The following RPS6KA2 variants were observed in gnomAD, a reference collection of about 807,000 sequenced individuals.
The protein encoded by RPS6KA2 is ribosomal protein S6 kinase A2.
Under a neutral mutation model 91.8 loss-of-function variants are expected in RPS6KA2, and 42 were observed. The observed-to-expected ratio is 0.46, with a 90% CI of 0.36 to 0.59. The LOEUF is 0.59. Among genes scored for constraint, RPS6KA2 ranks in the 20% least tolerant of loss-of-function variants. The pLI is 0.00. For missense variants in RPS6KA2, 798 were observed against 978.5 expected, an observed-to-expected ratio of 0.82 and a Z score of 2.46; for synonymous variants, 414 against 393.6, an observed-to-expected ratio of 1.05 and a Z score of -0.61.
At position 166,538,787 on chromosome 6, in the gene RPS6KA2, G is replaced by C; in HGVS notation, c.100-3C>G. 6.6e-7 allele frequency: 1 copy of C among 1,508,546 alleles called. No homozygotes were observed. The highest frequency in any genetic ancestry group is 1.1e-5 in the South Asian group (1 of 88,580). The allele number at this position is 1,508,546 out of a possible 1,614,324, so 93.4% of individuals were successfully genotyped here. ...ATCTCCTTCACGACGCCTTCTTCCTGCAAGAGAGCGGCACGGGTGAGAAAC... is the reference window on the plus strand; with the variant it reads ...ATCTCCTTCACGACGCCTTCTTCCTCCAAGAGAGCGGCACGGGTGAGAAAC... On this transcript the variant is annotated splice_region_variant and splice_polypyrimidine_tract_variant and intron_variant, in intron 1 of 20. Coordinates refer to ENST00000265678, the MANE Select transcript of RPS6KA2 (RefSeq NM_021135.6).
chr6:166,694,079 G>GC (rs1789290776), intron 2 of RPS6KA2, among the ~76,000 whole-genome samples: 1 of 152,222 alleles, frequency 6.6e-6, no homozygotes, highest in African/African-American at 2.4e-5. Flanking sequence ...CAAGACGATG[G>GC]CGAACCTCTT....
chr6:166,482,726 G>C (rs1198539066), intron 10 of RPS6KA2, among the ~76,000 whole-genome samples: 3 of 152,156 alleles, frequency 2.0e-5, no homozygotes, highest in Admixed American at 6.5e-5. Flanking sequence ...GAAGTGGAAA[G>C]GTTTCATGAA....
At chr6:166,723,919 C>A (rs1790263246) in intron 2 of RPS6KA2, among the ~76,000 whole-genome samples, 1 of 152,064 alleles carries the variant, frequency 6.6e-6, no homozygotes, top group Non-Finnish European at 1.5e-5. Flanking sequence ...AGGCTGGCCT[C>A]GAACTCCTGA....
intron 2 of RPS6KA2, among the ~76,000 whole-genome samples, chr6:166,761,946 G>T (rs545680004): frequency 2.0e-5 from 3 of 152,296 alleles, no homozygotes; most frequent in East Asian, 3.9e-4. Flanking sequence ...GCTCCAGATG[G>T]GGCAGCCTCG....
At chr6:166,628,756 G>C (rs1027423822), upstream of RPS6KA2, among the ~76,000 whole-genome samples, 2 of 152,236 alleles carry the variant, frequency 1.3e-5, no homozygotes, top group Non-Finnish European at 2.9e-5. Context: ...AAATACGAGT[G>C]AAACCTGTCT....
chr6:166,706,042 C>T (rs1220106897), intron 2 of RPS6KA2, among the ~76,000 whole-genome samples: 2 of 152,188 alleles, frequency 1.3e-5, no homozygotes, highest in East Asian at 1.9e-4. Flanking sequence ...AGCAAGTGTC[C>T]ACCAGACACT....
chr6:166,430,071 C>T (rs1779067641), intron 16 of RPS6KA2, among the ~76,000 whole-genome samples: 1 of 151,890 alleles, frequency 6.6e-6, no homozygotes, highest in Non-Finnish European at 1.5e-5. Context: ...AATTCTCCTG[C>T]CTCAGCCTCC....
At chr6:166,659,615 A>G (rs1788101233) in intron 2 of RPS6KA2, among the ~76,000 whole-genome samples, 1 of 152,222 alleles carries the variant, frequency 6.6e-6, no homozygotes, top group Non-Finnish European at 1.5e-5. Flanking sequence ...CAGGGAGTGG[A>G]GCGTAAGGAG....
At chr6:166,644,104 A>G (rs1230171849) in intron 2 of RPS6KA2, among the ~76,000 whole-genome samples, 4 of 152,196 alleles carry the variant, frequency 2.6e-5, no homozygotes. Flanking sequence ...TTAACTTGTG[A>G]CAATTGGTTC....
chr6:166,565,441 C>G (rs1784471513), intron 1 of RPS6KA2, among the ~76,000 whole-genome samples: 1 of 152,268 alleles, frequency 6.6e-6, no homozygotes, highest in South Asian at 2.1e-4. Context: ...TCCGCCCTCC[C>G]TGGCACCTGG....
intron 20 of RPS6KA2, among the ~76,000 whole-genome samples, 187 bp from the exon 21 acceptor site, chr6:166,413,074 G>T (rs1778368641): frequency 6.6e-6 from 1 of 152,042 alleles, no homozygotes; most frequent in Non-Finnish European, 1.5e-5. Flanking sequence ...GGCCCCAGGA[G>T]ACAGGGGCCC....
rs572438456 is a variant in RPS6KA2 at position 166,600,234 on chromosome 6, A to G, written c.99+26687T>C. On this transcript the variant is annotated intron_variant, in intron 1 of 20. Transcript: ENST00000265678. ...CTATGTTTCCCAGACCAGTCTCAGG[A>G]GCTCACGTGATCTTCTGGCCTCAGC... is the stretch of plus-strand genomic sequence containing the variant. Among the ~76,000 whole-genome samples the G allele has an allele frequency of 2.6e-5, 4 of 152,242 alleles. No individual in the cohort carries two copies. The South Asian group carries it at 6.2e-4, about 24-fold the overall frequency.
At chr6:166,650,356 G>A (rs1787813069) in intron 2 of RPS6KA2, among the ~76,000 whole-genome samples, 2 of 151,864 alleles carry the variant, frequency 1.3e-5, no homozygotes, top group African/African-American at 2.4e-5. Flanking sequence ...GTAGCAAGAA[G>A]AGGGGGCATT....
At position 166,410,240 on chromosome 6, in the gene RPS6KA2, T is replaced by A. The variant is rs1218238306; in HGVS notation, c.*2522A>T. The A allele has an allele frequency of 6.6e-6, 1 of 152,214 alleles. No individual in the cohort carries two copies. The highest frequency in any genetic ancestry group is 1.5e-5 in the Non-Finnish European group (1 of 68,048). The allele number at this position is 152,214 out of a possible 1,614,324, so 9.4% of individuals were successfully genotyped here. A position where few individuals can be genotyped will look rare whatever the true frequency, so the allele number is the denominator to read the frequency against. On this transcript the variant is annotated 3_prime_UTR_variant, in exon 21 of 21. Coordinates refer to ENST00000265678, the MANE Select transcript of RPS6KA2 (RefSeq NM_021135.6). ...GAGCCAGTTAACTTTTGGGGAGGTC[T>A]ATGTCATTTGTGCAAATCATACGGA...
upstream of RPS6KA2, among the ~76,000 whole-genome samples, chr6:166,630,527 T>C (rs1485184416): frequency 6.6e-6 from 1 of 152,228 alleles, no homozygotes; most frequent in Non-Finnish European, 1.5e-5. Context: ...ATGCAAAACT[T>C]CACCAGGATC....
chr6:166,786,668 C>T (rs987609170), intron 2 of RPS6KA2, among the ~76,000 whole-genome samples: 4 of 152,110 alleles, frequency 2.6e-5, no homozygotes, highest in Admixed American at 6.5e-5. Context: ...TTAAAAGATG[C>T]ATACCTTCCA....
chr6:166,632,608 T>A (rs1350699867), intron 2 of RPS6KA2, among the ~76,000 whole-genome samples: 2 of 126,356 alleles, frequency 1.6e-5, no homozygotes, highest in African/African-American at 2.9e-5. Flanking sequence ...CGAAACTCCA[T>A]CTCAAAAAAA....
At chr6:166,717,950 G>A (rs1196324844) in intron 2 of RPS6KA2, among the ~76,000 whole-genome samples, 1 of 151,806 alleles carries the variant, frequency 6.6e-6, no homozygotes, top group African/African-American at 2.4e-5. Context: ...CCTGGTTCAG[G>A]CGATTCTCCT....
chr6:166,534,153 C>T (rs1030994290), intron 2 of RPS6KA2, among the ~76,000 whole-genome samples: 2 of 129,432 alleles, frequency 1.5e-5, no homozygotes, highest in Admixed American at 1.9e-4. Flanking sequence ...ACCCGGGAGG[C>T]GGAGCTTGCA....
Sources: allele counts gnomAD v4.1 joint callset (sites outside exome capture counted in the v4.1 genomes callset), GRCh38; gene constraint gnomAD v4.1.1; transcripts MANE v1.5; gene names NCBI Gene and HGNC (gene_info 2026-07-23, HGNC 2026-07-21).